SLC30A7: variants seen among roughly 807,000 people sequenced by gnomAD.
SLC30A7 encodes zinc transporter 7.
SLC30A7 carries 35 observed loss-of-function variants against 46.0 expected under a neutral mutation model. The observed-to-expected ratio is 0.76, with a 90% CI of 0.58 to 1.01. The LOEUF is 1.01. Ranked by LOEUF, SLC30A7 falls within the 50% of genes least tolerant of loss-of-function variation. The pLI, the probability that SLC30A7 is intolerant of heterozygous loss-of-function variation, is 0.00. For missense variants in SLC30A7, 464 were observed against 451.1 expected, an observed-to-expected ratio of 1.03 and a Z score of -0.26; for synonymous variants, 147 against 157.8, an observed-to-expected ratio of 0.93 and a Z score of 0.51.
chr1:100,935,714 G>A (rs1653926043), intron 8 of SLC30A7, among the ~76,000 whole-genome samples: 4 of 152,048 alleles, frequency 2.6e-5, no homozygotes. Flanking sequence ...TTTATTTTAA[G>A]GTCTGTATAT....
At chr1:100,913,082 G>A (rs565889987) in intron 5 of SLC30A7, among the ~76,000 whole-genome samples, 1 of 152,070 alleles carries the variant, frequency 6.6e-6, no homozygotes, top group South Asian at 2.1e-4. Context: ...GTTGCTCGGT[G>A]GTTTAGTCAT....
intron 8 of SLC30A7, among the ~76,000 whole-genome samples, chr1:100,948,833 A>G (rs189432179): frequency 6.6e-5 from 10 of 152,268 alleles, no homozygotes; most frequent in Admixed American, 4.6e-4. Context: ...CAAATTGGCT[A>G]TTGAAGCTTG....
At chr1:100,909,727 A>C (rs892401464) in intron 3 of SLC30A7, among the ~76,000 whole-genome samples, 14 of 152,128 alleles carry the variant, frequency 9.2e-5, no homozygotes, top group African/African-American at 3.4e-4. Flanking sequence ...CACACCTACT[A>C]AGCTAGGAAT....
At chr1:100,897,026 C>T (rs112578365) in intron 2 of SLC30A7, among the ~76,000 whole-genome samples, 4 of 151,538 alleles carry the variant, frequency 2.6e-5, no homozygotes, top group Non-Finnish European at 4.4e-5. Context: ...CTGCCTCTCT[C>T]GGGGGGGAGT....
At chr1:100,911,753 T>C (rs1301766699) in intron 4 of SLC30A7, among the ~76,000 whole-genome samples, 1 of 152,086 alleles carries the variant, frequency 6.6e-6, no homozygotes, top group East Asian at 1.9e-4. Flanking sequence ...GGTTTCACCA[T>C]GTTGGTCAGG....
intron 8 of SLC30A7, among the ~76,000 whole-genome samples, chr1:100,948,195 C>T (rs1168009564): frequency 6.6e-6 from 1 of 152,128 alleles, no homozygotes; most frequent in Non-Finnish European, 1.5e-5. Flanking sequence ...GCTGGTTGTT[C>T]CTTTCCATGT....
intron 9 of SLC30A7, among the ~76,000 whole-genome samples, chr1:100,965,048 T>A (rs553777275): frequency 6.6e-6 from 1 of 152,202 alleles, no homozygotes; most frequent in Non-Finnish European, 1.5e-5. Flanking sequence ...CCCAGGTAGA[T>A]TATGTAAAAA....
chr1:100,985,798 CA>C (rs1657232307), downstream of SLC30A7, among the ~76,000 whole-genome samples: 1 of 151,986 alleles, frequency 6.6e-6, no homozygotes, highest in Admixed American at 6.5e-5. Flanking sequence ...GCAACAGAAG[CA>C]TAATCTATGT....
At chr1:100,901,362 A>T (rs1255639410) in intron 2 of SLC30A7, among the ~76,000 whole-genome samples, 1 of 152,160 alleles carries the variant, frequency 6.6e-6, no homozygotes, top group Non-Finnish European at 1.5e-5. Context: ...AATTCTTTTC[A>T]AAAGTTTCTT....
At chr1:100,984,122 G>A (rs865971192), downstream of SLC30A7, among the ~76,000 whole-genome samples, 1 of 152,190 alleles carries the variant, frequency 6.6e-6, no homozygotes, top group Admixed American at 6.5e-5. Flanking sequence ...CAATCCTATG[G>A]TGGTGGCCAA....
At chr1:100,983,409 A>AC (rs1331864156), downstream of SLC30A7, among the ~76,000 whole-genome samples, 7 of 150,440 alleles carry the variant, frequency 4.7e-5, no homozygotes, top group African/African-American at 1.7e-4. Context: ...AACAAAACAA[A>AC]AAAAACTACC....
intron 8 of SLC30A7, among the ~76,000 whole-genome samples, chr1:100,956,380 A>AT (rs990299973): frequency 6.6e-6 from 1 of 152,140 alleles, no homozygotes; most frequent in African/African-American, 2.4e-5. Flanking sequence ...GTACTAGGTT[A>AT]TTTTTTAAAA....
chr1:100,898,784 A>T (rs1439115296), intron 2 of SLC30A7, among the ~76,000 whole-genome samples: 1 of 152,148 alleles, frequency 6.6e-6, no homozygotes, highest in Non-Finnish European at 1.5e-5. Flanking sequence ...CCTGTAGGTT[A>T]TATTAGCTTT....
At chr1:100,990,667 C>G in the SLC30A7 span, 1 of 1,584,860 alleles carries the variant, frequency 6.3e-7, no homozygotes, top group Non-Finnish European at 8.7e-7. Flanking sequence ...TTCAATTCAG[C>G]AAATGCATCA....
At position 100,929,260 on chromosome 1, in the gene SLC30A7, C is replaced by T. The variant is rs144539423; in HGVS notation, c.842+7419C>T. On this transcript the variant is annotated intron_variant, in intron 8 of 10. Transcript: ENST00000357650. The stretch of plus-strand genomic sequence containing the variant: ...TCTATGGTAACATTTTTGACTTAGA[C>T]TTTAAAAAAGCATAAGTTTTTTAAT... Among the ~76,000 whole-genome samples, 182 of 152,040 alleles carry T rather than the reference C, an allele frequency of 1.2e-3. 2 individuals are homozygous for T. Among genetic ancestry groups the T allele is most frequent in the Non-Finnish European group, 1.6e-4 (11 of 67,926 alleles).
At chr1:100,988,052 T>A in the SLC30A7 span, among the ~76,000 whole-genome samples, 2 of 152,204 alleles carry the variant, frequency 1.3e-5, no homozygotes, top group Non-Finnish European at 2.9e-5. Flanking sequence ...CTTCCAACTG[T>A]GGCTTTCCAC....
chr1:100,930,527 A>G (rs1653601093), intron 8 of SLC30A7, among the ~76,000 whole-genome samples: 1 of 152,072 alleles, frequency 6.6e-6, no homozygotes, highest in Non-Finnish European at 1.5e-5. Context: ...TTTCATATTT[A>G]AATAGAAAGA....
At chr1:100,946,711 A>T (rs1363520500) in intron 8 of SLC30A7, among the ~76,000 whole-genome samples, 1 of 152,160 alleles carries the variant, frequency 6.6e-6, no homozygotes, top group Non-Finnish European at 1.5e-5. Context: ...GGATTTTTGC[A>T]TCGATGTTCA....
chr1:100,949,780 G>C (rs547498347), intron 8 of SLC30A7, among the ~76,000 whole-genome samples: 1 of 152,344 alleles, frequency 6.6e-6, no homozygotes, highest in South Asian at 2.1e-4. Context: ...TGCTGCACTA[G>C]CAGTGAGCAA....
Sources: gnomAD v4.1 joint callset for allele counts (sites outside exome capture counted in the v4.1 genomes callset) on GRCh38, gnomAD v4.1.1 for gene constraint, MANE v1.5 for transcripts, NCBI Gene and HGNC (gene_info 2026-07-23, HGNC 2026-07-21) for gene names.